SV2B: variants seen among roughly 807,000 people sequenced by gnomAD.
SV2B encodes solute carrier family 22 member B2.
SV2B carries 41 observed loss-of-function variants against 73.9 expected under a neutral mutation model. That is an observed-to-expected ratio of 0.56 (90% confidence interval 0.43 to 0.72). SV2B has a LOEUF of 0.72. Ranked by LOEUF, SV2B falls within the 30% of genes least tolerant of loss-of-function variation. SV2B has a pLI of 0.00. For missense variants in SV2B, 764 were observed against 857.8 expected, an observed-to-expected ratio of 0.89 and a Z score of 1.37; for synonymous variants, 314 against 314.2, an observed-to-expected ratio of 1.00 and a Z score of 0.01.
rs1016255042 is a variant in SV2B at position 91,301,197 on chromosome 15, T to C, written c.*8645T>C. The C allele has an allele frequency of 3.3e-5, 5 of 152,242 alleles. No homozygotes were observed. The highest frequency in any genetic ancestry group is 1.2e-4 in the African/African-American group (5 of 41,454). 9.4% of individuals were successfully genotyped at this position (152,242 alleles called of 1,614,324 possible). A position where few individuals can be genotyped will look rare whatever the true frequency, so the allele number is the denominator to read the frequency against. Reference sequence around the variant, plus strand: ...GACTGGCAACTGACCAGATAGAGCTTACCGTATGTCCATGTAGAGTTGCTC... The same window carrying C: ...GACTGGCAACTGACCAGATAGAGCTCACCGTATGTCCATGTAGAGTTGCTC... On this transcript the variant is annotated 3_prime_UTR_variant, in exon 13 of 13. Transcript: ENST00000394232. This position sits in a 1 kb window ranked among gnomAD's most constrained non-coding sequence, Gnocchi z 4.3.
At chr15:91,198,786 C>A (rs1302279623) in intron 1 of SV2B, among the ~76,000 whole-genome samples, 1 of 152,112 alleles carries the variant, frequency 6.6e-6, no homozygotes, top group African/African-American at 2.4e-5. Flanking sequence ...GTTAAAGCTA[C>A]GTGGAGAACT....
intron 9 of SV2B, among the ~76,000 whole-genome samples, chr15:91,273,773 A>T (rs999159659): frequency 2.0e-5 from 3 of 152,212 alleles, no homozygotes; most frequent in African/African-American, 7.2e-5. Context: ...GTCAAAATTG[A>T]TGAAGCATTA....
chr15:91,134,437 G>A (rs1435808313), intron 1 of SV2B, among the ~76,000 whole-genome samples: 3 of 152,134 alleles, frequency 2.0e-5, no homozygotes, highest in Non-Finnish European at 4.4e-5. Context: ...ATACCTTGAG[G>A]GATGGACAGA....
intron 1 of SV2B, among the ~76,000 whole-genome samples, chr15:91,125,366 CAT>C (rs2042447284): frequency 6.6e-6 from 1 of 152,146 alleles, no homozygotes; most frequent in Non-Finnish European, 1.5e-5. Flanking sequence ...CATGACGTCA[CAT>C]GTTTTCTCAT....
chr15:91,192,804 G>A (rs569351083), intron 1 of SV2B, among the ~76,000 whole-genome samples: 1 of 152,096 alleles, frequency 6.6e-6, no homozygotes, highest in Admixed American at 6.5e-5. Flanking sequence ...TTCTTTTTAC[G>A]ATGCAGACCT....
intron 1 of SV2B, among the ~76,000 whole-genome samples, chr15:91,161,122 T>C (rs1165004781): frequency 2.0e-5 from 3 of 152,102 alleles, no homozygotes; most frequent in Non-Finnish European, 4.4e-5. Flanking sequence ...CATATGGAGA[T>C]GGGTGGTTTC....
intron 11 of SV2B, among the ~76,000 whole-genome samples, chr15:91,287,241 G>A (rs1264296014): frequency 6.6e-6 from 1 of 152,240 alleles, no homozygotes; most frequent in East Asian, 1.9e-4. Flanking sequence ...CAGGTCTGAG[G>A]GTGACACTCC....
chr15:91,236,390 C>T lies in SV2B; in HGVS notation c.451+9676C>T, dbSNP rs530243877. ...AAGAACAAAAAAGACCCATAAGACC[C>T]TTGACCCACATGTTGGAAAATATGA... On this transcript the variant is annotated intron_variant, in intron 2 of 12. Coordinates refer to ENST00000394232, the MANE Select transcript of SV2B (RefSeq NM_001323032.3). The surrounding 1 kb of genome is among the most constrained non-coding windows in gnomAD (Gnocchi z 4.1). Among the ~76,000 whole-genome samples the T allele has an allele frequency of 2.0e-5, 3 of 152,234 alleles. No homozygotes were observed. The South Asian group carries it at 6.2e-4, about 32-fold the overall frequency.
In SV2B at chr15:91,123,760, C is replaced by T. The variant is rs568040514; in HGVS notation, c.-392+23397C>T. Reference sequence around the variant, plus strand: ...GCACTACTCCTTTCTCTATTCTGGGCGTGTCTTCACTGAAGGTCTCCAGAG... The same window carrying T: ...GCACTACTCCTTTCTCTATTCTGGGTGTGTCTTCACTGAAGGTCTCCAGAG... On this transcript the variant is annotated intron_variant, in intron 1 of 12. Transcript: ENST00000394232. This position sits in a 1 kb window ranked among gnomAD's most constrained non-coding sequence, Gnocchi z 4.7. 2.6e-5 allele frequency among the ~76,000 whole-genome samples: 4 copies of T among 152,204 alleles called. No homozygotes were observed. Among genetic ancestry groups the T allele is most frequent in the Admixed American group, 6.5e-5 (1 of 15,288 alleles).
chr15:91,296,622 G>A lies in SV2B; in HGVS notation c.*4070G>A, dbSNP rs2049239537. On this transcript the variant is annotated 3_prime_UTR_variant, in exon 13 of 13. Transcript: ENST00000394232. ...CATTGGGAGCACGCTCCTTCTGCCT[G>A]ATCGTTGGGAGCACACTCTTTCTGC... The A allele has an allele frequency of 6.7e-6, 1 of 149,446 alleles. No homozygotes were observed. The highest frequency in any genetic ancestry group is 1.5e-5 in the Non-Finnish European group (1 of 68,618). 9.3% of individuals were successfully genotyped at this position (149,446 alleles called of 1,614,324 possible).
At chr15:91,257,049 A>G (rs533619361) in intron 4 of SV2B, among the ~76,000 whole-genome samples, 117 of 152,330 alleles carry the variant, frequency 7.7e-4, no homozygotes, top group Non-Finnish European at 1.5e-3. Flanking sequence ...TTTCACAAAT[A>G]CCATTTGAAT....
chr15:91,252,626 C>A lies in SV2B; in HGVS notation c.784+106C>A. 1 of 1,192,806 alleles carries A rather than the reference C, an allele frequency of 8.4e-7. No individual in the cohort carries two copies. Among genetic ancestry groups the A allele is most frequent in the Non-Finnish European group, 1.1e-6 (1 of 922,950 alleles). The allele number at this position is 1,192,806 out of a possible 1,614,324, so 73.9% of individuals were successfully genotyped here. ...TATTCCATGTACTCACGCACAGTTCCCGTACGTGACCTTGATCTTTCTTAA... is the reference window on the plus strand; with the variant it reads ...TATTCCATGTACTCACGCACAGTTCACGTACGTGACCTTGATCTTTCTTAA... On this transcript the variant is annotated intron_variant, in intron 4 of 12. Transcript: ENST00000394232. This position sits in a 1 kb window ranked among gnomAD's most constrained non-coding sequence, Gnocchi z 4.6.
rs1359778854 is a variant in SV2B, at chr15:91,281,682, CTTTT to C, written c.1374-42_1374-39del. The stretch of plus-strand genomic sequence containing the variant: ...TGTTTTCCATTTTGGTCTTAAGTCT[CTTTT>C]TTTCTCAGATGAATCACTCAAGGGT... On this transcript the variant is annotated intron_variant, in intron 9 of 12. Coordinates refer to ENST00000394232, the MANE Select transcript of SV2B (RefSeq NM_001323032.3). This position sits in a 1 kb window ranked among gnomAD's most constrained non-coding sequence, Gnocchi z 4.7. 9.9e-6 allele frequency: 15 copies of C among 1,517,428 alleles called. No homozygotes were observed. Among genetic ancestry groups the C allele is most frequent in the Non-Finnish European group, 1.3e-5 (15 of 1,125,346 alleles). 94.0% of individuals were successfully genotyped at this position (1,517,428 alleles called of 1,614,324 possible). A position where few individuals can be genotyped will look rare whatever the true frequency, so the allele number is the denominator to read the frequency against.
intron 6 of SV2B, among the ~76,000 whole-genome samples, chr15:91,262,840 C>T (rs866904518): frequency 4.6e-5 from 7 of 152,214 alleles, no homozygotes; most frequent in Admixed American, 1.3e-4. Flanking sequence ...CGCTGTGCTG[C>T]GGGTGTGGAA....
chr15:91,124,312 T>C lies in SV2B; in HGVS notation c.-392+23949T>C, dbSNP rs1334913628. Reference sequence around the variant, plus strand: ...CTGTGGTGCCAGTGGTGTTTCCTTCTGTGAGGCACGACTTCCCAGGCAGGA... The same window carrying C: ...CTGTGGTGCCAGTGGTGTTTCCTTCCGTGAGGCACGACTTCCCAGGCAGGA... On this transcript the variant is annotated intron_variant, in intron 1 of 12. Coordinates refer to ENST00000394232, the MANE Select transcript of SV2B (RefSeq NM_001323032.3). The surrounding 1 kb of genome is among the most constrained non-coding windows in gnomAD (Gnocchi z 4.6). Among the ~76,000 whole-genome samples the C allele has an allele frequency of 6.6e-6, 1 of 152,196 alleles. No homozygotes were observed. Among genetic ancestry groups the C allele is most frequent in the Admixed American group, 6.5e-5 (1 of 15,286 alleles).
intron 11 of SV2B, among the ~76,000 whole-genome samples, chr15:91,285,715 C>T (rs1353592842): frequency 6.6e-6 from 1 of 152,188 alleles, no homozygotes; most frequent in Non-Finnish European, 1.5e-5. Flanking sequence ...TTGTCACCAG[C>T]CTTATGAGTC....
chr15:91,283,874 A>C lies in SV2B; in HGVS notation c.1508-147A>C. 1 of 786,370 alleles carries C rather than the reference A, an allele frequency of 1.3e-6. No individual in the cohort carries two copies. The highest frequency in any genetic ancestry group is 2.1e-6 in the Non-Finnish European group (1 of 471,488). The allele number at this position is 786,370 out of a possible 1,614,324, so 48.7% of individuals were successfully genotyped here. ...TCATCCATACCTTGATGACATGGCC[A>C]CATATTACCTTGACTTTGAGGCTGT... On this transcript the variant is annotated intron_variant, in intron 10 of 12. Coordinates refer to ENST00000394232, the MANE Select transcript of SV2B (RefSeq NM_001323032.3). The surrounding 1 kb of genome is among the most constrained non-coding windows in gnomAD (Gnocchi z 4.3).
intron 1 of SV2B, chr15:91,101,848 C>A (rs2041735890): frequency 6.6e-6 from 1 of 152,206 alleles, no homozygotes; most frequent in African/African-American, 2.4e-5. Context: ...GAGGAGCACA[C>A]ACAATACAAG....
At position 91,229,286 on chromosome 15, in the gene SV2B, C is replaced by T. The variant is rs1567367793; in HGVS notation, c.451+2572C>T. Among the ~76,000 whole-genome samples the T allele has an allele frequency of 6.6e-6, 1 of 151,844 alleles. No individual in the cohort carries two copies. Among genetic ancestry groups the T allele is most frequent in the Non-Finnish European group, 1.5e-5 (1 of 67,954 alleles). ...TCATCGATCTGCTAGTGACCTTGGG[C>T]AAGTTATGACTCCTCTAATTCTCGG... On this transcript the variant is annotated intron_variant, in intron 2 of 12. Transcript: ENST00000394232. This position sits in a 1 kb window ranked among gnomAD's most constrained non-coding sequence, Gnocchi z 4.3.
Sources: allele counts gnomAD v4.1 joint callset (sites outside exome capture counted in the v4.1 genomes callset), GRCh38; gene constraint gnomAD v4.1.1; non-coding constraint Gnocchi (gnomAD v3.1); transcripts MANE v1.5; gene names NCBI Gene and HGNC (gene_info 2026-07-23, HGNC 2026-07-21).